TFDP2: variants seen among roughly 807,000 people sequenced by gnomAD.
TFDP2 encodes the protein transcription factor Dp-2 (E2F dimerization partner 2).
A neutral mutation model predicts 59.3 loss-of-function variants in TFDP2; 17 were observed. The observed-to-expected ratio is 0.29, with a 90% CI of 0.20 to 0.43. TFDP2 has a LOEUF of 0.43. TFDP2 is among the 20% of genes least tolerant of loss of function. TFDP2 has a pLI of 1.00. For synonymous variants in TFDP2, 180 were observed against 194.7 expected (o/e 0.92, Z 0.63); for missense variants, 391 against 528.8 (o/e 0.74, Z 2.56).
intron 3 of TFDP2, among the ~76,000 whole-genome samples, chr3:142,045,094 T>C (rs924922771): frequency 4.6e-5 from 7 of 152,066 alleles, no homozygotes; most frequent in Admixed American, 1.3e-4. Flanking sequence ...TTTCAAAGTA[T>C]AATTTTTTTC....
rs1559897823 is a variant in TFDP2, at chr3:141,949,683, A to G, written c.*2830T>C. 6.6e-6 allele frequency: 1 copy of G among 152,322 alleles called. No individual in the cohort carries two copies. The highest frequency in any genetic ancestry group is 1.5e-5 in the Non-Finnish European group (1 of 68,182). 9.4% of individuals were successfully genotyped at this position (152,322 alleles called of 1,614,324 possible). On this transcript the variant is annotated 3_prime_UTR_variant, in exon 13 of 13. Coordinates refer to ENST00000489671, the MANE Select transcript of TFDP2 (RefSeq NM_001178139.2). ...GGGACAGCCACACCCTCAAGGGGAA[A>G]AGGCCTCTTGAACTCCCCACAATCA...
chr3:142,049,535 T>C (rs1171842549), intron 3 of TFDP2, among the ~76,000 whole-genome samples: 12 of 152,204 alleles, frequency 7.9e-5, no homozygotes, highest in Admixed American at 7.9e-4. Flanking sequence ...AAAAATTGAA[T>C]GCTTTTCCCC....
intron 3 of TFDP2, among the ~76,000 whole-genome samples, chr3:142,071,626 G>T (rs1446823609): frequency 6.6e-6 from 1 of 152,178 alleles, no homozygotes; most frequent in Non-Finnish European, 1.5e-5. Flanking sequence ...CCAGGAAATG[G>T]TTTATAGTAG....
At chr3:142,139,986 G>A (rs1455066561) in intron 1 of TFDP2, among the ~76,000 whole-genome samples, 14 of 152,120 alleles carry the variant, frequency 9.2e-5, no homozygotes, top group African/African-American at 2.9e-4. Flanking sequence ...CATTGTCCCC[G>A]TCACTTTCAG....
At chr3:142,044,211 G>A (rs1338198844) in intron 3 of TFDP2, 7 of 356,600 alleles carry the variant, frequency 2.0e-5, no homozygotes, top group Admixed American at 3.6e-5. Context: ...CTGCGGCGGC[G>A]GCAGCAGCAA....
intron 1 of TFDP2, among the ~76,000 whole-genome samples, chr3:142,144,757 T>G (rs1447003389): frequency 6.6e-6 from 1 of 152,168 alleles, no homozygotes; most frequent in Admixed American, 6.5e-5. Flanking sequence ...CCCAGGCTGG[T>G]CTTGAGCTCC....
At chr3:142,113,184 A>G (rs2061720252) in intron 1 of TFDP2, among the ~76,000 whole-genome samples, 1 of 152,242 alleles carries the variant, frequency 6.6e-6, no homozygotes, top group Non-Finnish European at 1.5e-5. Flanking sequence ...ACAAAGCTTT[A>G]GATTAGCATC....
At chr3:142,136,896 T>C (rs1336188082) in intron 1 of TFDP2, among the ~76,000 whole-genome samples, 2 of 152,050 alleles carry the variant, frequency 1.3e-5, no homozygotes, top group Admixed American at 1.3e-4. Context: ...CCATATGAAC[T>C]TTTAAGTAGT....
chr3:142,063,634 G>C (rs573342271), intron 3 of TFDP2, among the ~76,000 whole-genome samples: 1 of 152,122 alleles, frequency 6.6e-6, no homozygotes, highest in African/African-American at 2.4e-5. Flanking sequence ...TTGGTAAAGG[G>C]TAAAATATTA....
At position 142,128,504 on chromosome 3, in the gene TFDP2, G is replaced by A. The variant is rs375891565; in HGVS notation, c.-93+20679C>T. On this transcript the variant is annotated intron_variant, in intron 1 of 12. Transcript: ENST00000489671. ...AGGCTTACACTTAACAACTCCCATG[G>A]ACAAAGAGTTTTTACTCAGCTTTTT... is the stretch of plus-strand genomic sequence containing the variant. 6.6e-5 allele frequency among the ~76,000 whole-genome samples: 10 copies of A among 152,208 alleles called. No homozygotes were observed. In the South Asian group the frequency reaches 1.0e-3, roughly 16 times the overall value.
At chr3:142,143,550 T>C (rs13086954) in intron 1 of TFDP2, among the ~76,000 whole-genome samples, 12,670 of 152,074 alleles carry the variant, frequency 0.083, 655 homozygotes, top group Middle Eastern at 0.14. Flanking sequence ...CAAGCAACTC[T>C]AGGAAAAAAA....
chr3:142,090,308 A>G (rs2060958591), intron 3 of TFDP2, among the ~76,000 whole-genome samples: 1 of 152,164 alleles, frequency 6.6e-6, no homozygotes, highest in African/African-American at 2.4e-5. Context: ...AGCTATTTCA[A>G]AATCTGATCT....
chr3:142,042,731 T>G (rs1472442038), intron 3 of TFDP2, among the ~76,000 whole-genome samples: 5 of 146,148 alleles, frequency 3.4e-5, no homozygotes, highest in African/African-American at 1.3e-4. Context: ...ACCTCTTGCC[T>G]GGACGCTTTT....
intron 1 of TFDP2, among the ~76,000 whole-genome samples, chr3:142,130,548 G>A (rs2062460709): frequency 6.6e-6 from 1 of 150,670 alleles, no homozygotes; most frequent in Admixed American, 6.6e-5. Context: ...GTGCAGGTTT[G>A]TTACATATGT....
chr3:141,981,766 A>G (rs903251985), intron 6 of TFDP2, among the ~76,000 whole-genome samples: 2 of 152,254 alleles, frequency 1.3e-5, no homozygotes, highest in Admixed American at 1.3e-4. Context: ...AGGCAAAAGC[A>G]GAGACACAAA....
At chr3:142,040,511 T>C (rs1033622919) in intron 3 of TFDP2, among the ~76,000 whole-genome samples, 20 of 151,996 alleles carry the variant, frequency 1.3e-4, no homozygotes, top group Non-Finnish European at 2.6e-4. Context: ...CACCGCAACC[T>C]CTGCCTCCTG....
At chr3:141,987,473 G>A (rs1942228923) in intron 6 of TFDP2, among the ~76,000 whole-genome samples, 1 of 151,276 alleles carries the variant, frequency 6.6e-6, no homozygotes. Flanking sequence ...AGTAGAGACT[G>A]GGTTTCACCA....
chr3:142,055,144 A>G (rs1021889081), intron 3 of TFDP2, among the ~76,000 whole-genome samples: 1 of 152,248 alleles, frequency 6.6e-6, no homozygotes, highest in Admixed American at 6.5e-5. Flanking sequence ...ATGGGATTCA[A>G]CAAGCATTGA....
At chr3:141,985,549 A>AT (rs1306239256) in intron 6 of TFDP2, among the ~76,000 whole-genome samples, 8 of 144,326 alleles carry the variant, frequency 5.5e-5, no homozygotes, top group South Asian at 2.2e-4. Flanking sequence ...AAAAACACCT[A>AT]TTTTTTCTTC....
Sources: allele counts gnomAD v4.1 joint callset (sites outside exome capture counted in the v4.1 genomes callset), GRCh38; gene constraint gnomAD v4.1.1; transcripts MANE v1.5; gene names NCBI Gene and HGNC (gene_info 2026-07-23, HGNC 2026-07-21).